Variants in PLCB1 observed in about 807,000 individuals in gnomAD.
PLCB1 encodes the protein phospholipase C beta 1, also known as 1-phosphatidylinositol 4,5-bisphosphate phosphodiesterase beta-1.
A neutral mutation model predicts 161.8 loss-of-function variants in PLCB1; 46 were observed. The observed-to-expected ratio is 0.28, with a 90% CI of 0.22 to 0.36. The LOEUF is 0.36. Ranked by LOEUF, PLCB1 falls within the 10% of genes least tolerant of loss-of-function variation. The pLI, the probability that PLCB1 is intolerant of heterozygous loss-of-function variation, is 1.00. For synonymous variants in PLCB1, 517 were observed against 503.7 expected (o/e 1.03, Z -0.35); for missense variants, 1,016 against 1,472.5 (o/e 0.69, Z 5.07).
Position 8,883,288 on chromosome 20 carries a change from G to T in PLCB1, c.*1439G>T, listed in dbSNP as rs1016915243. On this transcript the variant is annotated 3_prime_UTR_variant, in exon 32 of 32. Coordinates refer to ENST00000338037, the MANE Select transcript of PLCB1 (RefSeq NM_015192.4). ...AAAACTTCCATTATATATTTACTAAGTATATTTAATTCACTTAACTCTGTC... is the reference window on the plus strand; with the variant it reads ...AAAACTTCCATTATATATTTACTAATTATATTTAATTCACTTAACTCTGTC... 1 of 151,950 alleles carries T rather than the reference G, an allele frequency of 6.6e-6. No individual in the cohort carries two copies. Among genetic ancestry groups the T allele is most frequent in the African/African-American group, 2.4e-5 (1 of 41,460 alleles). 9.4% of individuals were successfully genotyped at this position (151,950 alleles called of 1,614,324 possible). A position where few individuals can be genotyped will look rare whatever the true frequency, so the allele number is the denominator to read the frequency against.
intron 2 of PLCB1, among the ~76,000 whole-genome samples, chr20:8,290,213 C>A: frequency 6.6e-6 from 1 of 152,088 alleles, no homozygotes; most frequent in Admixed American, 6.5e-5. Flanking sequence ...AAATTGACTC[C>A]AGAACTCAAG....
chr20:8,438,870 C>G (rs1980424499), intron 3 of PLCB1, among the ~76,000 whole-genome samples: 1 of 152,184 alleles, frequency 6.6e-6, no homozygotes, highest in Non-Finnish European at 1.5e-5. Flanking sequence ...CGATGCAAGG[C>G]ACCCACTCTG....
chr20:8,506,349 G>A (rs756343145), intron 3 of PLCB1, among the ~76,000 whole-genome samples: 14 of 152,054 alleles, frequency 9.2e-5, no homozygotes, highest in African/African-American at 3.1e-4. Flanking sequence ...GATGGTAGAA[G>A]GTTTTATAAG....
At chr20:8,264,678 G>T (rs989237995) in intron 2 of PLCB1, among the ~76,000 whole-genome samples, 2 of 151,992 alleles carry the variant, frequency 1.3e-5, no homozygotes, top group African/African-American at 4.8e-5. Context: ...TATCATATAG[G>T]CAGTCTCTCA....
intron 2 of PLCB1, among the ~76,000 whole-genome samples, chr20:8,310,753 A>G (rs1021127075): frequency 2.6e-5 from 4 of 152,086 alleles, no homozygotes; most frequent in African/African-American, 4.8e-5. Context: ...CCCCGTGTCT[A>G]TCGTTTCCAT....
At chr20:8,463,316 G>T (rs1981673831) in intron 3 of PLCB1, among the ~76,000 whole-genome samples, 1 of 151,916 alleles carries the variant, frequency 6.6e-6, no homozygotes, top group African/African-American at 2.4e-5. Flanking sequence ...GACCTTCTGT[G>T]TACCCTTCCC....
At chr20:8,666,520 C>T (rs1989816084) in intron 9 of PLCB1, among the ~76,000 whole-genome samples, 1 of 152,178 alleles carries the variant, frequency 6.6e-6, no homozygotes, top group Non-Finnish European at 1.5e-5. Context: ...CAGTGGCCTC[C>T]AATCATAGAT....
chr20:8,708,068 CT>C (rs1568568217), intron 11 of PLCB1, among the ~76,000 whole-genome samples: 1 of 151,978 alleles, frequency 6.6e-6, no homozygotes. Context: ...TACATGGTTT[CT>C]TTTTGAGGCG....
chr20:8,797,253 G>A (rs1467576096), intron 31 of PLCB1, among the ~76,000 whole-genome samples: 1 of 151,494 alleles, frequency 6.6e-6, no homozygotes, highest in Non-Finnish European at 1.5e-5. Flanking sequence ...ACAGCATTTA[G>A]TATTTTTTTC....
At chr20:8,666,000 G>A (rs1417324434) in intron 9 of PLCB1, among the ~76,000 whole-genome samples, 2 of 152,060 alleles carry the variant, frequency 1.3e-5, no homozygotes, top group African/African-American at 4.8e-5. Flanking sequence ...CTACACACTT[G>A]GCAACTCTTC....
intron 3 of PLCB1, among the ~76,000 whole-genome samples, chr20:8,615,775 C>G (rs969809923): frequency 6.6e-6 from 1 of 152,170 alleles, no homozygotes; most frequent in African/African-American, 2.4e-5. Flanking sequence ...ATTTGAACTT[C>G]TCTCCGGAAT....
intron 3 of PLCB1, among the ~76,000 whole-genome samples, chr20:8,451,558 C>G (rs893035000): frequency 6.6e-6 from 1 of 152,140 alleles, no homozygotes; most frequent in African/African-American, 2.4e-5. Context: ...CCATGTTGGA[C>G]AGGCTGGTCT....
intron 3 of PLCB1, among the ~76,000 whole-genome samples, chr20:8,422,412 G>C (rs1979577379): frequency 6.6e-6 from 1 of 152,174 alleles, no homozygotes; most frequent in Non-Finnish European, 1.5e-5. Context: ...TCTATCAGAA[G>C]CAACTAAAAC....
chr20:8,813,928 G>A (rs773080489), intron 31 of PLCB1, among the ~76,000 whole-genome samples: 15 of 152,192 alleles, frequency 9.9e-5, no homozygotes, highest in East Asian at 1.9e-4. Context: ...TTCCTGTAGC[G>A]GAATTCATAG....
chr20:8,298,249 C>G (rs953287659), intron 2 of PLCB1, among the ~76,000 whole-genome samples: 1 of 147,800 alleles, frequency 6.8e-6, no homozygotes, highest in Admixed American at 6.8e-5. Context: ...GAGCCATGAT[C>G]ACACCACTGC....
intron 1 of PLCB1, among the ~76,000 whole-genome samples, chr20:8,134,524 TAGATG>T (rs2051325500): frequency 6.6e-6 from 1 of 152,364 alleles, no homozygotes; most frequent in African/African-American, 2.4e-5. Flanking sequence ...TATATCCAGG[TAGATG>T]ACTTTCATTA....
chr20:8,387,625 C>T (rs1035089374), intron 3 of PLCB1, among the ~76,000 whole-genome samples: 1 of 152,182 alleles, frequency 6.6e-6, no homozygotes, highest in Non-Finnish European at 1.5e-5. Flanking sequence ...CACCAACAGA[C>T]TTGCTGGACT....
intron 2 of PLCB1, among the ~76,000 whole-genome samples, chr20:8,269,693 G>A (rs1365782288): frequency 6.6e-6 from 1 of 151,992 alleles, no homozygotes; most frequent in African/African-American, 2.4e-5. Flanking sequence ...TCTCTATCCA[G>A]ATACAAAGAC....
At chr20:8,822,034 CT>C (rs1166587981) in intron 31 of PLCB1, among the ~76,000 whole-genome samples, 26 of 148,084 alleles carry the variant, frequency 1.8e-4, no homozygotes, top group African/African-American at 4.2e-4. Context: ...ATCTTTTTTC[CT>C]TTTTTTTTTC....
Sources: gnomAD v4.1 joint callset for allele counts (sites outside exome capture counted in the v4.1 genomes callset) on GRCh38, gnomAD v4.1.1 for gene constraint, MANE v1.5 for transcripts, NCBI Gene and HGNC (gene_info 2026-07-23, HGNC 2026-07-21) for gene names.